The following BICC1 variants were observed in gnomAD, a reference collection of about 807,000 sequenced individuals.
BICC1 encodes the protein BicC family RNA binding protein 1.
Under a neutral mutation model 111.0 loss-of-function variants are expected in BICC1, and 43 were observed. That is an observed-to-expected ratio of 0.39 (90% CI 0.30 to 0.50). The LOEUF is 0.50. Ranked by LOEUF, BICC1 falls within the 20% of genes least tolerant of loss-of-function variation. BICC1 has a pLI of 0.88. For missense variants in BICC1, 1,091 were observed against 1,203.2 expected, an observed-to-expected ratio of 0.91 and a Z score of 1.38; for synonymous variants, 467 against 434.4, an observed-to-expected ratio of 1.07 and a Z score of -0.93.
intron 15 of BICC1, 118 bp from the exon 16 acceptor site, chr10:58,806,466 G>T: frequency 1.2e-6 from 1 of 831,248 alleles, no homozygotes; most frequent in Non-Finnish European, 2.0e-6. Flanking sequence ...TGCAAAGCTT[G>T]GTGTATGTCT....
At chr10:58,523,287 C>T (rs1421859770) in intron 1 of BICC1, among the ~76,000 whole-genome samples, 1 of 152,092 alleles carries the variant, frequency 6.6e-6, no homozygotes, top group Non-Finnish European at 1.5e-5. Flanking sequence ...TGATGAACAT[C>T]GATGCAAAAA....
intron 1 of BICC1, among the ~76,000 whole-genome samples, chr10:58,595,406 A>G (rs1844779484): frequency 6.6e-6 from 1 of 152,204 alleles, no homozygotes; most frequent in South Asian, 2.1e-4. Context: ...GATCAACAGA[A>G]TATACATTCT....
At position 58,590,057 on chromosome 10, in the gene BICC1, CAATA is replaced by C. The variant is rs542572949; in HGVS notation, c.191-30796_191-30793del. Among the ~76,000 whole-genome samples the C allele has an allele frequency of 2.2e-3, 342 of 152,252 alleles. 1 individual carries two copies. Among genetic ancestry groups the C allele is most frequent in the African/African-American group, 7.8e-3 (322 of 41,536 alleles). On this transcript the variant is annotated intron_variant, in intron 1 of 20. Transcript: ENST00000373886. ...ATTTCATTTATTCATATGGGATTAA[CAATA>C]AGCTATCATCAGTCCAGTGGGGTTA...
intron 2 of BICC1, among the ~76,000 whole-genome samples, chr10:58,681,150 A>G (rs544491414): frequency 6.6e-6 from 1 of 152,368 alleles, no homozygotes; most frequent in African/African-American, 2.4e-5. Context: ...AAGCAATGGC[A>G]ACAAAAGCCA....
Position 58,830,827 on chromosome 10 carries a change from A to G in BICC1, c.*1936A>G, listed in dbSNP as rs1292131083. ...ATGTGATGATCATCCATCTTATTTG[A>G]TTGTATTAATGCATCATGCTAAACA... On this transcript the variant is annotated 3_prime_UTR_variant, in exon 21 of 21. Transcript: ENST00000373886. 1 of 152,182 alleles carries G rather than the reference A, an allele frequency of 6.6e-6. No homozygotes were observed. The highest frequency in any genetic ancestry group is 1.9e-4 in the East Asian group (1 of 5,198). The allele number at this position is 152,182 out of a possible 1,614,324, so 9.4% of individuals were successfully genotyped here.
At chr10:58,780,704 A>G (rs1006533176) in intron 3 of BICC1, among the ~76,000 whole-genome samples, 1 of 152,218 alleles carries the variant, frequency 6.6e-6, no homozygotes, top group African/African-American at 2.4e-5. Flanking sequence ...GTTTCCAAGG[A>G]TGGAAAACCA....
At position 58,521,768 on chromosome 10, in the gene BICC1, GTTTTTTTTTTTTTTTT is replaced by G. The variant is rs573116230; in HGVS notation, c.190+8458_190+8473del. 4.3e-4 allele frequency among the ~76,000 whole-genome samples: 49 copies of G among 112,808 alleles called. 2 individuals are homozygous for G. Among genetic ancestry groups the G allele is most frequent in the South Asian group, 1.6e-3 (6 of 3,788 alleles). 74.0% of individuals were successfully genotyped at this position (112,808 alleles called of 152,430 possible). On this transcript the variant is annotated intron_variant, in intron 1 of 20. Transcript: ENST00000373886. The stretch of plus-strand genomic sequence containing the variant: ...ATGAAAATCAGCCAGGGAATGTGGT[GTTTTTTTTTTTTTTTT>G]TTTTTTTTTTTTTTTTTTTTTTGAG...
chr10:58,606,244 AT>A (rs1440859772), intron 1 of BICC1, among the ~76,000 whole-genome samples: 2 of 152,310 alleles, frequency 1.3e-5, no homozygotes, highest in South Asian at 4.1e-4. Flanking sequence ...TTCTTGGCTA[AT>A]TTATTCAATT....
chr10:58,788,955 G>A (rs1194761497), intron 6 of BICC1, among the ~76,000 whole-genome samples: 6 of 152,084 alleles, frequency 3.9e-5, no homozygotes, highest in Non-Finnish European at 8.8e-5. Flanking sequence ...AGCCAGGTAT[G>A]GTGGCACATG....
chr10:58,812,333 T>G (rs939163865), intron 17 of BICC1, among the ~76,000 whole-genome samples: 2 of 152,056 alleles, frequency 1.3e-5, no homozygotes, highest in Non-Finnish European at 2.9e-5. Context: ...GATATAGGAA[T>G]TCTGAAAGAA....
chr10:58,825,983 C>T lies in BICC1; in HGVS notation c.2795-2778C>T, dbSNP rs374677134. ...AAGATAAGTGAATCCAGCATAACAA[C>T]TATTGTTTAAAAAAAAAAAAGGAAA... On this transcript the variant is annotated intron_variant, in intron 20 of 20. Coordinates refer to ENST00000373886, the MANE Select transcript of BICC1 (RefSeq NM_001080512.3). Among the ~76,000 whole-genome samples, 6 of 150,690 alleles carry T rather than the reference C, an allele frequency of 4.0e-5. No homozygotes were observed. In the East Asian group the frequency reaches 5.8e-4, roughly 15 times the overall value.
rs148515384 is a variant in BICC1, at chr10:58,740,450, T to G, written c.307+38307T>G. Among the ~76,000 whole-genome samples, 3 of 152,308 alleles carry G rather than the reference T, an allele frequency of 2.0e-5. No homozygotes were observed. In the East Asian group the frequency reaches 5.8e-4, roughly 29 times the overall value. On this transcript the variant is annotated intron_variant, in intron 3 of 20. Transcript: ENST00000373886. ...TATTTCAAAATGAGATCAGCTCTGA[T>G]TCATTTGGATAAATCAAATGATTTA...
At chr10:58,716,873 C>T (rs953587356) in intron 3 of BICC1, among the ~76,000 whole-genome samples, 1 of 151,290 alleles carries the variant, frequency 6.6e-6, no homozygotes, top group Non-Finnish European at 1.5e-5. Context: ...CCATACTTCA[C>T]GGGGAGGTCA....
chr10:58,629,174 T>G (rs374151958), intron 2 of BICC1, among the ~76,000 whole-genome samples: 1 of 152,244 alleles, frequency 6.6e-6, no homozygotes, highest in Non-Finnish European at 1.5e-5. Flanking sequence ...CCTTTTAATC[T>G]GGCTAAAGTA....
At chr10:58,542,161 A>AAAC (rs1554803876) in intron 1 of BICC1, among the ~76,000 whole-genome samples, 1 of 146,994 alleles carries the variant, frequency 6.8e-6, no homozygotes, top group Non-Finnish European at 1.5e-5. Context: ...AAAAAAAAAA[A>AAAC]AAAAACAAAA....
intron 2 of BICC1, among the ~76,000 whole-genome samples, chr10:58,653,993 C>T (rs1302786715): frequency 6.6e-6 from 1 of 151,222 alleles, no homozygotes; most frequent in Non-Finnish European, 1.5e-5. Context: ...CATCCATGTC[C>T]CTACAAAGGA....
chr10:58,711,710 C>G (rs907652543), intron 3 of BICC1, among the ~76,000 whole-genome samples: 1 of 152,066 alleles, frequency 6.6e-6, no homozygotes, highest in African/African-American at 2.4e-5. Context: ...TCTTTTTTCT[C>G]TCTCTCCTGT....
At chr10:58,563,657 A>G (rs1275766235) in intron 1 of BICC1, among the ~76,000 whole-genome samples, 1 of 152,116 alleles carries the variant, frequency 6.6e-6, no homozygotes, top group Non-Finnish European at 1.5e-5. Flanking sequence ...GGACACCTCC[A>G]CTCAGCCATT....
chr10:58,580,153 A>T (rs1452948822), intron 1 of BICC1, among the ~76,000 whole-genome samples: 1 of 151,826 alleles, frequency 6.6e-6, no homozygotes, highest in Non-Finnish European at 1.5e-5. Flanking sequence ...GCTTCCCAGT[A>T]GCTGGGATTA....
Sources: gnomAD v4.1 joint callset for allele counts (sites outside exome capture counted in the v4.1 genomes callset) on GRCh38, gnomAD v4.1.1 for gene constraint, MANE v1.5 for transcripts, NCBI Gene and HGNC (gene_info 2026-07-23, HGNC 2026-07-21) for gene names.